Variants in ADCY8 observed in about 807,000 individuals in gnomAD.
The protein encoded by ADCY8 is adenylate cyclase 8.
Under a neutral mutation model 119.7 loss-of-function variants are expected in ADCY8, and 51 were observed. The observed-to-expected ratio is 0.43, with a 90% CI of 0.34 to 0.54. ADCY8 has a LOEUF of 0.54. Among genes scored for constraint, ADCY8 ranks in the 20% least tolerant of loss-of-function variants. ADCY8 has a pLI of 0.03. For missense variants in ADCY8, 1,383 were observed against 1,598.8 expected (o/e 0.87, Z 2.30); for synonymous variants, 665 against 651.0 (o/e 1.02, Z -0.33).
intron 7 of ADCY8, among the ~76,000 whole-genome samples, chr8:130,888,535 A>G (rs1055563249): frequency 2.6e-5 from 4 of 152,040 alleles, no homozygotes; most frequent in Non-Finnish European, 5.9e-5. Context: ...CCTAATGGAG[A>G]TTCGTGCTCT....
At chr8:130,905,039 T>C (rs756051847) in intron 6 of ADCY8, among the ~76,000 whole-genome samples, 4 of 152,222 alleles carry the variant, frequency 2.6e-5, no homozygotes, top group Non-Finnish European at 4.4e-5. Context: ...TTTCTATCAG[T>C]CCATTTTCTT....
At chr8:130,937,258 G>A in intron 4 of ADCY8, 58 bp from the exon 5 acceptor site, 1 of 1,558,882 alleles carries the variant, frequency 6.4e-7, no homozygotes. Context: ...CAGTTCTTCA[G>A]AAAGGCTTGA....
At chr8:130,835,306 G>A (rs1011897324) in intron 12 of ADCY8, among the ~76,000 whole-genome samples, 2 of 152,172 alleles carry the variant, frequency 1.3e-5, no homozygotes, top group Non-Finnish European at 2.9e-5. Context: ...GAGAGACAGG[G>A]AAGGAGCCAG....
At chr8:130,835,932 C>T (rs1371331764) in intron 12 of ADCY8, among the ~76,000 whole-genome samples, 17 of 152,158 alleles carry the variant, frequency 1.1e-4, no homozygotes, top group Admixed American at 1.1e-3. Flanking sequence ...GCTTAATACA[C>T]AGTGGCTGCT....
At chr8:130,946,010 G>A (rs1821095829) in intron 3 of ADCY8, among the ~76,000 whole-genome samples, 1 of 152,200 alleles carries the variant, frequency 6.6e-6, no homozygotes, top group Non-Finnish European at 1.5e-5. Context: ...GCTCAGCTAT[G>A]CTATTTTTGA....
At chr8:131,026,088 A>G (rs1187366536) in intron 1 of ADCY8, among the ~76,000 whole-genome samples, 1 of 152,204 alleles carries the variant, frequency 6.6e-6, no homozygotes, top group African/African-American at 2.4e-5. Context: ...TGATGGAAGA[A>G]TGTTGCTATG....
intron 1 of ADCY8, among the ~76,000 whole-genome samples, chr8:131,011,286 G>A (rs561939970): frequency 1.3e-5 from 2 of 152,300 alleles, no homozygotes; most frequent in Non-Finnish European, 2.9e-5. Context: ...CAACATTGCT[G>A]TGGAAATAAA....
chr8:131,040,635 G>A lies in ADCY8; in HGVS notation c.-302C>T, dbSNP rs1586680338. The A allele has an allele frequency of 3.5e-6, 1 of 282,472 alleles. No individual in the cohort carries two copies. The highest frequency in any genetic ancestry group is 5.1e-5 in the Admixed American group (1 of 19,636). 17.5% of individuals were successfully genotyped at this position (282,472 alleles called of 1,614,324 possible). A position where few individuals can be genotyped will look rare whatever the true frequency, so the allele number is the denominator to read the frequency against. On this transcript the variant is annotated 5_prime_UTR_variant, in exon 1 of 18. Coordinates refer to ENST00000286355, the MANE Select transcript of ADCY8 (RefSeq NM_001115.3). ...TTGTCCTCAGGAGCCGCAGCGCTGT[G>A]AGCCACGCAGCCCCTTCCTGGGCTC...
chr8:130,955,136 T>C (rs1488431724), intron 2 of ADCY8, among the ~76,000 whole-genome samples: 2 of 152,158 alleles, frequency 1.3e-5, no homozygotes, highest in Non-Finnish European at 2.9e-5. Context: ...AGGTAGAGAC[T>C]GACAGGCTCC....
At chr8:130,794,684 A>G (rs1186369845) in intron 15 of ADCY8, among the ~76,000 whole-genome samples, 1 of 152,272 alleles carries the variant, frequency 6.6e-6, no homozygotes, top group Non-Finnish European at 1.5e-5. Flanking sequence ...TAATAAAAAC[A>G]AACAACAGAA....
intron 2 of ADCY8, among the ~76,000 whole-genome samples, chr8:130,984,232 G>A (rs1243539482): frequency 2.0e-5 from 3 of 152,090 alleles, no homozygotes; most frequent in African/African-American, 7.2e-5. Flanking sequence ...GGGGAGGAGA[G>A]GAGACTGCAT....
chr8:131,008,161 T>C (rs563667427), intron 1 of ADCY8, among the ~76,000 whole-genome samples: 2 of 152,314 alleles, frequency 1.3e-5, no homozygotes, highest in African/African-American at 2.4e-5. Context: ...CCCCAGTTTA[T>C]ATATGAGGAT....
intron 8 of ADCY8, 34 bp from the exon 9 acceptor site, chr8:130,867,980 G>T: frequency 2.1e-6 from 3 of 1,409,972 alleles, no homozygotes; most frequent in Non-Finnish European, 3.0e-6. Flanking sequence ...GAGTTACTTT[G>T]CAGCAGAGTG....
intron 17 of ADCY8, among the ~76,000 whole-genome samples, chr8:130,781,457 T>A (rs1428588770): frequency 3.9e-5 from 6 of 152,198 alleles, no homozygotes; most frequent in Admixed American, 6.5e-5. Flanking sequence ...AAGTTGCATA[T>A]CTGATCAAGT....
At chr8:130,929,522 T>A (rs1820571089) in intron 5 of ADCY8, among the ~76,000 whole-genome samples, 1 of 152,216 alleles carries the variant, frequency 6.6e-6, no homozygotes, top group African/African-American at 2.4e-5. Context: ...TGAATCTTCT[T>A]AAATTTGTTA....
At chr8:130,836,138 C>A in intron 12 of ADCY8, 139 bp downstream of exon 12, 1 of 961,208 alleles carries the variant, frequency 1.0e-6, no homozygotes, top group African/African-American at 1.6e-5. Flanking sequence ...TTGTAAACTA[C>A]AGAATGCCTG....
intron 12 of ADCY8, among the ~76,000 whole-genome samples, chr8:130,825,147 T>C (rs1205118557): frequency 6.6e-6 from 1 of 152,226 alleles, no homozygotes; most frequent in Non-Finnish European, 1.5e-5. Context: ...TCAAAGCAGG[T>C]TAATTAGCAT....
chr8:130,984,979 A>G (rs7840509), intron 2 of ADCY8, among the ~76,000 whole-genome samples: 29,037 of 152,064 alleles, frequency 0.19, 5,235 homozygotes, highest in African/African-American at 0.48. Context: ...GAACCAAGAC[A>G]TGAACAAAAA....
intron 1 of ADCY8, among the ~76,000 whole-genome samples, chr8:131,002,162 G>A (rs1226187242): frequency 6.6e-6 from 1 of 152,202 alleles, no homozygotes; most frequent in African/African-American, 2.4e-5. Flanking sequence ...CCTGGAAACA[G>A]GAATACCTTC....
Sources: allele counts gnomAD v4.1 joint callset (sites outside exome capture counted in the v4.1 genomes callset), GRCh38; gene constraint gnomAD v4.1.1; transcripts MANE v1.5; gene names NCBI Gene and HGNC (gene_info 2026-07-23, HGNC 2026-07-21).